Variants in OSTN observed in about 807,000 individuals in gnomAD.
The protein encoded by OSTN is osteocrin.
In OSTN, 9 loss-of-function variants were observed where a neutral mutation model predicts 12.0. The ratio of observed to expected loss-of-function variants is 0.75; its 90% CI spans 0.45 to 1.30. The LOEUF is 1.30. Ranked by LOEUF, OSTN falls within the 50% of genes most tolerant of loss-of-function variation. The pLI is 0.00. For missense variants in OSTN, 148 were observed against 152.3 expected, an observed-to-expected ratio of 0.97 and a Z score of 0.15; for synonymous variants, 59 against 56.9, an observed-to-expected ratio of 1.04 and a Z score of -0.16.
At chr3:191,214,234 G>A (rs1247160546) in intron 2 of OSTN, among the ~76,000 whole-genome samples, 2 of 151,980 alleles carry the variant, frequency 1.3e-5, no homozygotes, top group Non-Finnish European at 2.9e-5. Context: ...GATGACCAGA[G>A]GTCAAGAGTT....
intron 3 of OSTN, 64 bp from the exon 4 acceptor site, chr3:191,249,973 G>T: frequency 1.6e-6 from 2 of 1,275,374 alleles, no homozygotes; most frequent in South Asian, 1.2e-5. Flanking sequence ...ATAAAATAAA[G>T]AACAAAAATA....
chr3:191,264,549 T>G lies in OSTN; in HGVS notation c.*1696T>G, dbSNP rs774485574. 1 of 152,170 alleles carries G rather than the reference T, an allele frequency of 6.6e-6. No homozygotes were observed. The highest frequency in any genetic ancestry group is 6.5e-5 in the Admixed American group (1 of 15,284). 9.4% of individuals were successfully genotyped at this position (152,170 alleles called of 1,614,324 possible). A position where few individuals can be genotyped will look rare whatever the true frequency, so the allele number is the denominator to read the frequency against. ...TTTGGGAAATCTAACCAATTCTTTTTTTCATAAACTTGTGTTAGAAAGCTA... is the reference window on the plus strand; with the variant it reads ...TTTGGGAAATCTAACCAATTCTTTTGTTCATAAACTTGTGTTAGAAAGCTA... On this transcript the variant is annotated 3_prime_UTR_variant, in exon 5 of 5. Coordinates refer to ENST00000682035, the MANE Select transcript of OSTN (RefSeq NM_198184.2).
At chr3:191,230,066 C>CAATAAATAAATAAATAAATAAATA (rs71937483) in intron 3 of OSTN, among the ~76,000 whole-genome samples, 100 of 146,146 alleles carry the variant, frequency 6.8e-4, no homozygotes, top group African/African-American at 2.3e-3. Flanking sequence ...GACTCAGTCT[C>CAATAAATAAATAAATAAATAAATA]AATAAATAAA....
chr3:191,240,279 T>G (rs1224721974), intron 3 of OSTN, among the ~76,000 whole-genome samples: 1 of 152,236 alleles, frequency 6.6e-6, no homozygotes, highest in Non-Finnish European at 1.5e-5. Context: ...CACATGTCAG[T>G]CCTTCCAAGG....
intron 3 of OSTN, among the ~76,000 whole-genome samples, chr3:191,244,992 TTCTGGAAGG>T (rs1715398189): frequency 6.6e-6 from 1 of 152,160 alleles, no homozygotes; most frequent in South Asian, 2.1e-4. Context: ...CCTATGGTGT[TTCTGGAAGG>T]TCTGTCAGGG....
chr3:191,262,948 T>G lies in OSTN; in HGVS notation c.*95T>G, dbSNP rs1012171501. The G allele has an allele frequency of 1.9e-5, 13 of 698,324 alleles. No homozygotes were observed. Among genetic ancestry groups the G allele is most frequent in the Non-Finnish European group, 3.1e-5 (12 of 382,094 alleles). 43.3% of individuals were successfully genotyped at this position (698,324 alleles called of 1,614,324 possible). A position where few individuals can be genotyped will look rare whatever the true frequency, so the allele number is the denominator to read the frequency against. On this transcript the variant is annotated 3_prime_UTR_variant, in exon 5 of 5. Transcript: ENST00000682035. ...TTCACACTTCTTAATGATTAAACTTTTAAGGAACTGACCTTCTGCAAATCC... is the reference window on the plus strand; with the variant it reads ...TTCACACTTCTTAATGATTAAACTTGTAAGGAACTGACCTTCTGCAAATCC...
At chr3:191,242,234 A>G (rs751777207) in intron 3 of OSTN, among the ~76,000 whole-genome samples, 7 of 152,214 alleles carry the variant, frequency 4.6e-5, no homozygotes, top group Non-Finnish European at 7.4e-5. Context: ...ACACCATTAA[A>G]AAATGCCTAC....
At chr3:191,205,529 C>T (rs922459227) in intron 1 of OSTN, among the ~76,000 whole-genome samples, 1 of 151,488 alleles carries the variant, frequency 6.6e-6, no homozygotes, top group Non-Finnish European at 1.5e-5. Context: ...TCTGAAAATT[C>T]TTATTATCAA....
chr3:191,239,058 C>T (rs1301622181), intron 3 of OSTN, among the ~76,000 whole-genome samples: 2 of 152,144 alleles, frequency 1.3e-5, no homozygotes, highest in Non-Finnish European at 2.9e-5. Context: ...ATACGATAAA[C>T]TCTATATTAC....
At chr3:191,233,502 T>G (rs961789230) in intron 3 of OSTN, among the ~76,000 whole-genome samples, 1 of 152,052 alleles carries the variant, frequency 6.6e-6, no homozygotes, top group Non-Finnish European at 1.5e-5. Context: ...AGTGGCAAAA[T>G]CTCAGCTCAC....
At chr3:191,224,303 G>T (rs1714850048) in intron 3 of OSTN, among the ~76,000 whole-genome samples, 1 of 151,324 alleles carries the variant, frequency 6.6e-6, no homozygotes, top group South Asian at 2.1e-4. Context: ...CTTGAGAATG[G>T]CAGCAGAGGT....
intron 3 of OSTN, 121 bp downstream of exon 3, chr3:191,219,082 G>A (rs897909335): frequency 4.7e-5 from 42 of 887,600 alleles, no homozygotes; most frequent in Admixed American, 4.0e-4. Flanking sequence ...CAGATTTGAC[G>A]GTATGTTAGC....
intron 1 of OSTN, among the ~76,000 whole-genome samples, chr3:191,206,130 G>A (rs761656182): frequency 2.0e-5 from 3 of 151,382 alleles, no homozygotes; most frequent in Non-Finnish European, 4.4e-5. Flanking sequence ...AGGTTGCAGT[G>A]AGCCAAGATC....
At chr3:191,217,541 T>A (rs1314432882) in intron 2 of OSTN, among the ~76,000 whole-genome samples, 1 of 152,206 alleles carries the variant, frequency 6.6e-6, no homozygotes, top group Non-Finnish European at 1.5e-5. Flanking sequence ...AAGCAGTATT[T>A]GTGGGACTAC....
intron 4 of OSTN, among the ~76,000 whole-genome samples, chr3:191,258,288 C>T (rs766124654): frequency 2.0e-4 from 30 of 152,126 alleles, no homozygotes; most frequent in Non-Finnish European, 8.8e-5. Flanking sequence ...TCAAGTGGAC[C>T]ACTGAGGTCA....
chr3:191,245,039 CT>C (rs796479222), intron 3 of OSTN, among the ~76,000 whole-genome samples: 2 of 152,068 alleles, frequency 1.3e-5, no homozygotes, highest in Non-Finnish European at 2.9e-5. Flanking sequence ...AGGAGGGATA[CT>C]TTTTTACTGG....
At chr3:191,256,773 A>AAC (rs1553823299) in intron 4 of OSTN, among the ~76,000 whole-genome samples, 2 of 151,728 alleles carry the variant, frequency 1.3e-5, no homozygotes, top group Non-Finnish European at 2.9e-5. Flanking sequence ...AATTTTAATA[A>AAC]GTTTATAAAC....
intron 4 of OSTN, among the ~76,000 whole-genome samples, chr3:191,260,549 C>A (rs1715783450): frequency 6.6e-6 from 1 of 152,154 alleles, no homozygotes; most frequent in Non-Finnish European, 1.5e-5. Flanking sequence ...ACTTTCCCGG[C>A]ATTAACCAGG....
intron 4 of OSTN, among the ~76,000 whole-genome samples, chr3:191,260,431 G>A (rs2108557791): frequency 6.6e-6 from 1 of 151,814 alleles, no homozygotes; most frequent in South Asian, 2.1e-4. Flanking sequence ...AAAGACTCTT[G>A]TTGCCACAGA....
Sources: allele counts gnomAD v4.1 joint callset (sites outside exome capture counted in the v4.1 genomes callset), GRCh38; gene constraint gnomAD v4.1.1; transcripts MANE v1.5; gene names NCBI Gene and HGNC (gene_info 2026-07-23, HGNC 2026-07-21).